Variants in HS6ST2 observed in about 807,000 individuals in gnomAD.
The protein encoded by HS6ST2 is heparan-sulfate 6-O-sulfotransferase 2.
Under a neutral mutation model 33.0 loss-of-function variants are expected in HS6ST2, and 17 were observed. That is an observed-to-expected ratio of 0.52 (90% CI 0.35 to 0.77). HS6ST2 has a LOEUF of 0.77. HS6ST2 is among the 30% of genes least tolerant of loss of function. The pLI, the probability that HS6ST2 is intolerant of heterozygous loss-of-function variation, is 0.01. For synonymous variants in HS6ST2, 248 were observed against 237.1 expected (o/e 1.05, Z -0.42); for missense variants, 519 against 551.7 (o/e 0.94, Z 0.59).
intron 2 of HS6ST2, among the ~76,000 whole-genome samples, chrX:132,952,847 C>T (rs1245208825): frequency 2.7e-5 from 3 of 111,313 alleles, no homozygotes; most frequent in East Asian, 2.8e-4. Context: ...GTGAATAAAA[C>T]ACCTCAGGGA....
chrX:132,869,581 C>T (rs1271101667), intron 2 of HS6ST2, among the ~76,000 whole-genome samples: 1 of 112,226 alleles, frequency 8.9e-6, no homozygotes, highest in Non-Finnish European at 1.9e-5. Context: ...ATCAAGTCAG[C>T]TTCATTCCTG....
chrX:132,943,093 C>T (rs1340529454), intron 2 of HS6ST2, among the ~76,000 whole-genome samples: 3 of 111,948 alleles, frequency 2.7e-5, no homozygotes, highest in Non-Finnish European at 1.9e-5. Flanking sequence ...AAAAGAGCTG[C>T]AGAGTTCACC....
intron 4 of HS6ST2, among the ~76,000 whole-genome samples, chrX:132,661,520 A>G (rs1432008974): frequency 8.9e-6 from 1 of 111,915 alleles, no homozygotes; most frequent in Non-Finnish European, 1.9e-5. Context: ...TGAAAACTAT[A>G]AAACACTGAT....
intron 2 of HS6ST2, among the ~76,000 whole-genome samples, chrX:132,792,343 T>C (rs2065125701): frequency 8.9e-6 from 1 of 112,050 alleles, no homozygotes; most frequent in African/African-American, 3.2e-5. Flanking sequence ...AGCAGCAAGG[T>C]AGGCTGTGTG....
chrX:132,795,823 G>C (rs2065172337), intron 2 of HS6ST2, among the ~76,000 whole-genome samples: 1 of 111,272 alleles, frequency 9.0e-6, no homozygotes, highest in South Asian at 3.8e-4. Flanking sequence ...TGCCCAGGCT[G>C]GTCTCAAACT....
rs188398942 is a variant in HS6ST2, at chrX:132,628,452, A to G, written c.1709T>C (p.Phe570Ser). Residue 570 changes from phenylalanine (F) to serine (S), a missense_variant, in exon 5 of 5, where the codon TTC (phenylalanine) becomes TCC (serine). Coordinates refer to ENST00000370833, the MANE Select transcript of HS6ST2 (RefSeq NM_001394073.1). ...GCTCTGGCCCTGACCCTGGCTCTGG[A>G]AATGGGTCTGAAGGAGCCTTCCCTT... ...FLKGRLLQTHFQSQGQGQSQN... is the reference protein window; with the variant it reads ...FLKGRLLQTHSQSQGQGQSQN... The G allele has an allele frequency of 1.6e-5, 19 of 1,208,533 alleles. No homozygotes were observed. In the East Asian group the frequency reaches 3.6e-4, roughly 23 times the overall value.
At chrX:132,920,036 GAGCTC>G (rs775798842) in intron 2 of HS6ST2, among the ~76,000 whole-genome samples, 1 of 111,703 alleles carries the variant, frequency 9.0e-6, no homozygotes, top group South Asian at 3.8e-4. Flanking sequence ...AATGTCAACA[GAGCTC>G]AGCATTCTCC....
chrX:132,694,534 C>T (rs964509723), intron 3 of HS6ST2, among the ~76,000 whole-genome samples: 2 of 111,390 alleles, frequency 1.8e-5, no homozygotes, highest in Admixed American at 9.6e-5. Context: ...TTGCAGGAAC[C>T]TTGCAGGGTT....
chrX:132,789,993 A>G (rs1161716159), intron 2 of HS6ST2, among the ~76,000 whole-genome samples: 1 of 112,710 alleles, frequency 8.9e-6, no homozygotes, highest in African/African-American at 3.2e-5. Context: ...TTGAAATGAC[A>G]AGAAAACATT....
chrX:132,952,260 C>T, intron 2 of HS6ST2, among the ~76,000 whole-genome samples: 1 of 111,938 alleles, frequency 8.9e-6, no homozygotes, highest in Admixed American at 9.5e-5. Flanking sequence ...TGGAATTCTA[C>T]AGATATTGTA....
intron 4 of HS6ST2, among the ~76,000 whole-genome samples, chrX:132,668,098 G>T (rs2063823545): frequency 1.8e-5 from 2 of 111,965 alleles, no homozygotes; most frequent in South Asian, 7.4e-4. Flanking sequence ...TTCACTTTGG[G>T]AATTGAATAT....
At chrX:132,762,687 T>C (rs147105084) in intron 2 of HS6ST2, among the ~76,000 whole-genome samples, 1,126 of 111,352 alleles carry the variant, frequency 0.01, 35 homozygotes, top group Admixed American at 0.097. Context: ...TTGGTCCATA[T>C]TGGCATCATG....
intron 2 of HS6ST2, among the ~76,000 whole-genome samples, chrX:132,716,549 T>G (rs1244752791): frequency 8.9e-6 from 1 of 112,230 alleles, no homozygotes; most frequent in African/African-American, 3.2e-5. Flanking sequence ...CAACTGAAAC[T>G]TGACAATGAT....
chrX:132,669,483 C>A, intron 3 of HS6ST2: 1 of 218,452 alleles, frequency 4.6e-6, no homozygotes, highest in Non-Finnish European at 8.1e-6. Context: ...CACCACAGCC[C>A]AGGCCCCAAG....
intron 2 of HS6ST2, among the ~76,000 whole-genome samples, chrX:132,920,990 G>A (rs1192587628): frequency 8.9e-6 from 1 of 112,763 alleles, no homozygotes; most frequent in Admixed American, 9.4e-5. Context: ...AGGTGTATTT[G>A]AGAGATATCA....
In HS6ST2 at chrX:132,628,968, G is replaced by T; in HGVS notation, c.1193C>A (p.Ser398Tyr). Residue 398 changes from serine to tyrosine, a missense_variant, in exon 5 of 5, where the codon TCC becomes TAC. Transcript: ENST00000370833. Reference sequence around the variant, plus strand: ...AGTGTAGCAGCTGGGCAGCTCTTCGGAGGTTGGAGGCCTTCCATCGCAGAC... The same window carrying T: ...AGTGTAGCAGCTGGGCAGCTCTTCGTAGGTTGGAGGCCTTCCATCGCAGAC... ...LHVCDGRPPT[S>Y]EELPSCYTGD... The T allele has an allele frequency of 3.3e-6, 4 of 1,210,407 alleles. No homozygotes were observed. Among genetic ancestry groups the T allele is most frequent in the Non-Finnish European group, 4.5e-6 (4 of 894,891 alleles).
chrX:132,880,609 C>T (rs2066158462), intron 2 of HS6ST2, among the ~76,000 whole-genome samples: 1 of 108,687 alleles, frequency 9.2e-6, no homozygotes, highest in South Asian at 4.0e-4. Flanking sequence ...GACTATTTAA[C>T]CAACAACTTT....
chrX:132,941,909 A>G (rs1396342710), intron 2 of HS6ST2, among the ~76,000 whole-genome samples: 1 of 112,179 alleles, frequency 8.9e-6, no homozygotes, highest in African/African-American at 3.2e-5. Context: ...TCAACAATGT[A>G]ATTTTTAAAA....
intron 3 of HS6ST2, among the ~76,000 whole-genome samples, chrX:132,681,005 TAA>T (rs56407214): frequency 8.3e-5 from 8 of 95,849 alleles, no homozygotes; most frequent in Admixed American, 1.1e-4. Context: ...AACTCTGTCT[TAA>T]AAAAAAAAAA....
Sources: allele counts gnomAD v4.1 joint callset (sites outside exome capture counted in the v4.1 genomes callset), GRCh38; gene constraint gnomAD v4.1.1; transcripts MANE v1.5; gene names NCBI Gene and HGNC (gene_info 2026-07-23, HGNC 2026-07-21).